The following LIMD1 variants were observed in gnomAD, a reference collection of about 807,000 sequenced individuals.
The protein encoded by LIMD1 is LIM domain-containing protein 1.
A neutral mutation model predicts 58.4 loss-of-function variants in LIMD1; 23 were observed. The ratio of observed to expected loss-of-function variants is 0.39; its 90% confidence interval spans 0.28 to 0.56. The LOEUF (loss-of-function observed/expected upper bound fraction) is 0.56. Among genes scored for constraint, LIMD1 ranks in the 20% least tolerant of loss-of-function variants. The pLI, the probability that LIMD1 is intolerant of heterozygous loss-of-function variation, is 0.57. For missense variants in LIMD1, 838 were observed against 855.5 expected (o/e 0.98, Z 0.25); for synonymous variants, 334 against 345.5 (o/e 0.97, Z 0.37).
At chr3:45,599,646 T>C (rs1410454853) in intron 1 of LIMD1, among the ~76,000 whole-genome samples, 1 of 152,198 alleles carries the variant, frequency 6.6e-6, no homozygotes, top group African/African-American at 2.4e-5. Context: ...CTGTGCAATG[T>C]GCCTAGGTCA....
chr3:45,677,228 A>G lies in LIMD1; in HGVS notation c.*169A>G, dbSNP rs1295458419. ...TCCTTTAACCAGGGAGGTGAACACT[A>G]CCTGCCTCCTGCGTGTATTTTCCAA... On this transcript the variant is annotated 3_prime_UTR_variant, in exon 8 of 8. Coordinates refer to ENST00000273317, the MANE Select transcript of LIMD1 (RefSeq NM_014240.3). The G allele has an allele frequency of 1.6e-6, 1 of 628,110 alleles. No individual in the cohort carries two copies. The highest frequency in any genetic ancestry group is 2.7e-6 in the Non-Finnish European group (1 of 367,132). 38.9% of individuals were successfully genotyped at this position (628,110 alleles called of 1,614,324 possible). A position where few individuals can be genotyped will look rare whatever the true frequency, so the allele number is the denominator to read the frequency against.
Position 45,594,778 on chromosome 3 carries a change from A to AACACACAC in LIMD1, c.-43_-36dup, listed in dbSNP as rs57091993. 3.9e-3 allele frequency: 2,834 copies of AACACACAC among 731,214 alleles called. 121 individuals are homozygous for AACACACAC. The highest frequency in any genetic ancestry group is 0.011 in the African/African-American group (410 of 37,992). The allele number at this position is 731,214 out of a possible 1,614,324, so 45.3% of individuals were successfully genotyped here. A position where few individuals can be genotyped will look rare whatever the true frequency, so the allele number is the denominator to read the frequency against. On this transcript the variant is annotated 5_prime_UTR_variant, in exon 1 of 8. Coordinates refer to ENST00000273317, the MANE Select transcript of LIMD1 (RefSeq NM_014240.3). The stretch of plus-strand genomic sequence containing the variant: ...TCGCCAGCATCTCCCCGCTGCCCTC[A>AACACACAC]ACACACACACACACACACACACACA...
intron 1 of LIMD1, among the ~76,000 whole-genome samples, chr3:45,612,070 G>GCACTCT: frequency 6.9e-6 from 1 of 144,950 alleles, no homozygotes; most frequent in Admixed American, 7.0e-5. Context: ...GCAGGTGCGC[G>GCACTCT]CTCTCTCTCT....
rs1238265146 is a variant in LIMD1, at chr3:45,685,393, T to C, written c.*8334T>C. The C allele has an allele frequency of 6.6e-6, 1 of 152,220 alleles. No homozygotes were observed. The highest frequency in any genetic ancestry group is 1.5e-5 in the Non-Finnish European group (1 of 68,038). The allele number at this position is 152,220 out of a possible 1,614,324, so 9.4% of individuals were successfully genotyped here. A position where few individuals can be genotyped will look rare whatever the true frequency, so the allele number is the denominator to read the frequency against. On this transcript the variant is annotated 3_prime_UTR_variant, in exon 8 of 8. Transcript: ENST00000273317. Reference sequence around the variant, plus strand: ...TCAAACTTTGCCTCTCTTAGTTCCTTCTACATGACAATGGGTGGCAGTTGC... The same window carrying C: ...TCAAACTTTGCCTCTCTTAGTTCCTCCTACATGACAATGGGTGGCAGTTGC...
chr3:45,650,057 G>A lies in LIMD1; in HGVS notation c.1510+13806G>A, dbSNP rs951932194. 2.6e-5 allele frequency among the ~76,000 whole-genome samples: 4 copies of A among 151,596 alleles called. No homozygotes were observed. The South Asian group carries it at 6.2e-4, about 24-fold the overall frequency. ...TTGAGCTTCTTGGATCTGTGTGTTT[G>A]TAGTCAGTCTTCATCAAATCTATTT... is the stretch of plus-strand genomic sequence containing the variant. On this transcript the variant is annotated intron_variant, in intron 2 of 7. Coordinates refer to ENST00000273317, the MANE Select transcript of LIMD1 (RefSeq NM_014240.3).
At chr3:45,625,401 G>A (rs139572092) in intron 1 of LIMD1, among the ~76,000 whole-genome samples, 1 of 152,246 alleles carries the variant, frequency 6.6e-6, no homozygotes, top group African/African-American at 2.4e-5. Flanking sequence ...TTGTGTATGT[G>A]CCTCTGCCTT....
chr3:45,604,365 A>G (rs1461845148), intron 1 of LIMD1, among the ~76,000 whole-genome samples: 1 of 152,200 alleles, frequency 6.6e-6, no homozygotes, highest in East Asian at 1.9e-4. Context: ...ATCTCTCTCC[A>G]CAGCACTTCT....
At chr3:45,611,260 G>A (rs1701519935) in intron 1 of LIMD1, among the ~76,000 whole-genome samples, 1 of 152,224 alleles carries the variant, frequency 6.6e-6, no homozygotes, top group Admixed American at 6.5e-5. Flanking sequence ...CAACCACCAA[G>A]TGAGCCCACT....
intron 1 of LIMD1, among the ~76,000 whole-genome samples, chr3:45,631,346 A>G (rs1242562891): frequency 6.6e-6 from 1 of 151,796 alleles, no homozygotes; most frequent in Non-Finnish European, 1.5e-5. Flanking sequence ...GGTCTGGCCC[A>G]TAGTAGACAC....
At chr3:45,628,819 A>G (rs1180180965) in intron 1 of LIMD1, among the ~76,000 whole-genome samples, 2 of 152,264 alleles carry the variant, frequency 1.3e-5, no homozygotes, top group Non-Finnish European at 2.9e-5. Context: ...GGAATACCAC[A>G]TGGCAGTAAA....
intron 1 of LIMD1, among the ~76,000 whole-genome samples, chr3:45,624,588 T>C (rs1402751907): frequency 6.6e-6 from 1 of 152,076 alleles, no homozygotes; most frequent in African/African-American, 2.4e-5. Context: ...CCGGGTGTGG[T>C]GGCGGGCGCC....
intron 2 of LIMD1, among the ~76,000 whole-genome samples, chr3:45,642,554 C>T (rs4682795): frequency 1 from 152,379 of 152,380 alleles, 76,189 homozygotes; most frequent in Non-Finnish European, 1. Context: ...TATGTTTTCC[C>T]TGCCAGGTTT....
intron 1 of LIMD1, among the ~76,000 whole-genome samples, chr3:45,635,664 G>A (rs538839483): frequency 6.7e-6 from 1 of 149,120 alleles, no homozygotes; most frequent in African/African-American, 2.5e-5. Flanking sequence ...TTAGGAGGCC[G>A]AGGCGGGAGG....
rs920563613 is a variant in LIMD1 at position 45,606,334 on chromosome 3, A to C, written c.1408+10047A>C. Reference sequence around the variant, plus strand: ...TGGAAGTTTCTCCTTTCTAACAAAGAAGAAACTTCAGGGGCTACTGTGGCT... The same window carrying C: ...TGGAAGTTTCTCCTTTCTAACAAAGCAGAAACTTCAGGGGCTACTGTGGCT... On this transcript the variant is annotated intron_variant, in intron 1 of 7. Coordinates refer to ENST00000273317, the MANE Select transcript of LIMD1 (RefSeq NM_014240.3). 2.0e-5 allele frequency among the ~76,000 whole-genome samples: 3 copies of C among 152,188 alleles called. No homozygotes were observed. In the East Asian group the frequency reaches 5.8e-4, roughly 29 times the overall value.
chr3:45,603,564 G>T (rs1016735596), intron 1 of LIMD1, among the ~76,000 whole-genome samples: 2 of 152,124 alleles, frequency 1.3e-5, no homozygotes, highest in Admixed American at 6.5e-5. Flanking sequence ...GACTCTGCTG[G>T]TAACATTTGT....
intron 1 of LIMD1, among the ~76,000 whole-genome samples, chr3:45,599,435 A>AT (rs1215275525): frequency 6.6e-6 from 1 of 152,124 alleles, no homozygotes; most frequent in African/African-American, 2.4e-5. Context: ...TATTTTATTC[A>AT]TTTTTTGTAT....
At chr3:45,672,627 C>A (rs770005757) in intron 4 of LIMD1, 63 bp from the exon 5 acceptor site, 143 of 1,574,844 alleles carry the variant, frequency 9.1e-5, no homozygotes, top group Non-Finnish European at 1.0e-4. Flanking sequence ...TGATGTGTTC[C>A]TCTCCCCTTC....
intron 1 of LIMD1, among the ~76,000 whole-genome samples, chr3:45,620,339 A>G (rs958600137): frequency 6.6e-6 from 1 of 152,232 alleles, no homozygotes; most frequent in Non-Finnish European, 1.5e-5. Flanking sequence ...AGAATAAAAT[A>G]AATATCCACA....
At chr3:45,659,046 T>TATAA (rs1697390145) in intron 2 of LIMD1, among the ~76,000 whole-genome samples, 1 of 152,210 alleles carries the variant, frequency 6.6e-6, no homozygotes, top group Non-Finnish European at 1.5e-5. Context: ...ATATTATACA[T>TATAA]ATTTCTAGAA....
Sources: allele counts gnomAD v4.1 joint callset (sites outside exome capture counted in the v4.1 genomes callset), GRCh38; gene constraint gnomAD v4.1.1; transcripts MANE v1.5; gene names NCBI Gene and HGNC (gene_info 2026-07-23, HGNC 2026-07-21).